PALLD: variants seen among roughly 807,000 people sequenced by gnomAD.
The protein encoded by PALLD is palladin.
PALLD carries 61 observed loss-of-function variants against 123.5 expected under a neutral mutation model. That is an observed-to-expected ratio of 0.49 (90% confidence interval 0.40 to 0.61). The LOEUF is 0.61. Ranked by LOEUF, PALLD falls within the 20% of genes least tolerant of loss-of-function variation. PALLD has a pLI of 0.00. For missense variants in PALLD, 1,273 were observed against 1,377.0 expected, an observed-to-expected ratio of 0.92 and a Z score of 1.20; for synonymous variants, 465 against 496.4, an observed-to-expected ratio of 0.94 and a Z score of 0.84.
At chr4:168,673,161 G>A (rs528189225) in intron 3 of PALLD, among the ~76,000 whole-genome samples, 33 of 152,332 alleles carry the variant, frequency 2.2e-4, no homozygotes, top group African/African-American at 7.9e-4. Flanking sequence ...ACACACAGCA[G>A]CGAACAAGCA....
chr4:168,696,569 A>G (rs1783147010), intron 8 of PALLD, among the ~76,000 whole-genome samples: 2 of 152,114 alleles, frequency 1.3e-5, no homozygotes, highest in Admixed American at 1.3e-4. Context: ...CCTAAAAGGG[A>G]ACTTTGAGAA....
chr4:168,655,779 G>T (rs1778497574), intron 2 of PALLD, among the ~76,000 whole-genome samples: 1 of 152,186 alleles, frequency 6.6e-6, no homozygotes, highest in African/African-American at 2.4e-5. Flanking sequence ...GGGAAATTTT[G>T]AGGGACATCT....
chr4:168,847,433 A>G (rs1430230817), intron 10 of PALLD, among the ~76,000 whole-genome samples: 8 of 152,228 alleles, frequency 5.3e-5, no homozygotes, highest in African/African-American at 1.9e-4. Flanking sequence ...GAAAGATACA[A>G]GATCACTGAG....
Position 168,896,526 on chromosome 4 carries a change from C to T in PALLD, c.2200-23C>T, listed in dbSNP as rs982847011. 6.6e-6 allele frequency: 9 copies of T among 1,371,316 alleles called. No homozygotes were observed. The African/African-American group carries it at 1.1e-4, about 17-fold the overall frequency. The allele number at this position is 1,371,316 out of a possible 1,614,324, so 84.9% of individuals were successfully genotyped here. A position where few individuals can be genotyped will look rare whatever the true frequency, so the allele number is the denominator to read the frequency against. Reference sequence around the variant, plus strand: ...TTATTATTTCTATTATTAGTCTTCACATCTTTTTTTCTACCATTACAGGAC... The same window carrying T: ...TTATTATTTCTATTATTAGTCTTCATATCTTTTTTTCTACCATTACAGGAC... On this transcript the variant is annotated intron_variant, in intron 12 of 21. Transcript: ENST00000505667.
At chr4:168,661,847 A>G (rs567169246) in intron 2 of PALLD, among the ~76,000 whole-genome samples, 3 of 152,340 alleles carry the variant, frequency 2.0e-5, no homozygotes, top group African/African-American at 7.2e-5. Flanking sequence ...ATTGCTATAG[A>G]TAAATGAGAG....
At chr4:168,571,673 T>C (rs928957936) in intron 2 of PALLD, among the ~76,000 whole-genome samples, 2 of 152,174 alleles carry the variant, frequency 1.3e-5, no homozygotes, top group Non-Finnish European at 2.9e-5. Flanking sequence ...TTTAGCATTC[T>C]TTAGAAATCT....
At chr4:168,901,285 T>C (rs1178402529) in intron 14 of PALLD, among the ~76,000 whole-genome samples, 1 of 152,214 alleles carries the variant, frequency 6.6e-6, no homozygotes, top group African/African-American at 2.4e-5. Context: ...AATATTTTAT[T>C]CCTCCCTTGA....
intron 10 of PALLD, among the ~76,000 whole-genome samples, chr4:168,735,197 G>A (rs1787615252): frequency 6.6e-6 from 1 of 152,048 alleles, no homozygotes; most frequent in South Asian, 2.1e-4. Context: ...GTTATGTGCT[G>A]TCCCCATTGG....
At chr4:168,642,246 A>G (rs970910901) in intron 2 of PALLD, among the ~76,000 whole-genome samples, 5 of 152,186 alleles carry the variant, frequency 3.3e-5, no homozygotes, top group South Asian at 4.1e-4. Flanking sequence ...GATGAAAAAA[A>G]GTTTTTAGAC....
chr4:168,726,558 T>G (rs1475157595), intron 10 of PALLD, among the ~76,000 whole-genome samples: 1 of 145,254 alleles, frequency 6.9e-6, no homozygotes, highest in Non-Finnish European at 1.5e-5. Flanking sequence ...AATTTTTTTC[T>G]TTTTTGTAGA....
intron 10 of PALLD, among the ~76,000 whole-genome samples, chr4:168,814,434 T>G (rs540908962): frequency 1.2e-3 from 183 of 152,338 alleles, no homozygotes; most frequent in Non-Finnish European, 2.2e-3. Flanking sequence ...TTATATGGAC[T>G]GCCTTAAGCA....
intron 6 of PALLD, chr4:168,686,692 A>G (rs1271992514): frequency 1.3e-5 from 2 of 152,254 alleles, no homozygotes; most frequent in Non-Finnish European, 2.9e-5. Context: ...CGATCTTAGT[A>G]TATATGAGCT....
rs1183320457 is a variant in PALLD, at chr4:168,711,660, A to G, written c.1701A>G (p.Pro567=). The G allele has an allele frequency of 2.5e-6, 4 of 1,614,092 alleles. No homozygotes were observed. Among genetic ancestry groups the G allele is most frequent in the Non-Finnish European group, 2.5e-6 (3 of 1,179,984 alleles). ...TCCAACACTTTCCACCTCCCCCTCC[A>G]ATCTTGGAGACAAGTTCCTTGGAGT... is the stretch of plus-strand genomic sequence containing the variant. The part of the protein sequence containing the change: ...DHFQHFPPPP[P]ILETSSLELA... The change falls in exon 10 of 22, where the codon CCA becomes CCG. Residue 567 remains proline (P), a synonymous_variant. Transcript: ENST00000505667.
At chr4:168,753,063 A>G (rs79766370) in intron 10 of PALLD, among the ~76,000 whole-genome samples, 4,117 of 152,254 alleles carry the variant, frequency 0.027, 191 homozygotes, top group African/African-American at 0.093. Context: ...CAAGCAAGAG[A>G]AAGGATTTTG....
At chr4:168,793,846 C>T (rs572179203) in intron 10 of PALLD, among the ~76,000 whole-genome samples, 64 of 152,268 alleles carry the variant, frequency 4.2e-4, no homozygotes, top group African/African-American at 1.4e-3. Context: ...GTCTTCCCAT[C>T]AGAAACAGAT....
At chr4:168,617,618 G>C (rs1774354589) in intron 2 of PALLD, among the ~76,000 whole-genome samples, 1 of 152,172 alleles carries the variant, frequency 6.6e-6, no homozygotes, top group South Asian at 2.1e-4. Context: ...CAGACTCCCT[G>C]GGTCTGAATA....
intron 2 of PALLD, among the ~76,000 whole-genome samples, chr4:168,542,617 A>T (rs536069508): frequency 2.1e-4 from 31 of 148,702 alleles, no homozygotes; most frequent in Non-Finnish European, 3.9e-4. Context: ...ATGACTACTT[A>T]TGTAAAGCTA....
intron 2 of PALLD, among the ~76,000 whole-genome samples, chr4:168,665,353 G>A (rs1779534320): frequency 6.6e-6 from 1 of 152,180 alleles, no homozygotes; most frequent in Non-Finnish European, 1.5e-5. Flanking sequence ...ACAATGTTTG[G>A]CATATGAATG....
At chr4:168,661,918 G>A (rs1779173446) in intron 2 of PALLD, among the ~76,000 whole-genome samples, 1 of 151,906 alleles carries the variant, frequency 6.6e-6, no homozygotes, top group African/African-American at 2.4e-5. Flanking sequence ...AATAAAATAA[G>A]GTCATATTTG....
Sources: allele counts gnomAD v4.1 joint callset (sites outside exome capture counted in the v4.1 genomes callset), GRCh38; gene constraint gnomAD v4.1.1; transcripts MANE v1.5; gene names NCBI Gene and HGNC (gene_info 2026-07-23, HGNC 2026-07-21).